Variants in PLCXD2 observed in about 807,000 individuals in gnomAD.
The protein encoded by PLCXD2 is PI-PLC X domain-containing protein 2.
Under a neutral mutation model 28.6 loss-of-function variants are expected in PLCXD2, and 21 were observed. The observed-to-expected ratio is 0.73, with a 90% CI of 0.52 to 1.06. The LOEUF (loss-of-function observed/expected upper bound fraction) is 1.06, where lower values mean the gene tolerates loss of function less well. Ranked by LOEUF, PLCXD2 falls within the 50% of genes least tolerant of loss-of-function variation. The pLI is 0.00. For synonymous variants in PLCXD2, 140 were observed against 150.1 expected, an observed-to-expected ratio of 0.93 and a Z score of 0.49; for missense variants, 369 against 376.7, an observed-to-expected ratio of 0.98 and a Z score of 0.17.
chr3:111,691,050 T>A lies in PLCXD2; in HGVS notation c.163+15642T>A, dbSNP rs150285780. On this transcript the variant is annotated intron_variant, in intron 1 of 4. Coordinates refer to ENST00000477665, the MANE Select transcript of PLCXD2 (RefSeq NM_001185106.1). ...ACCTAAGACCCAACAGGAATATGGG[T>A]CCTAGGAATCTGTGTGAGCAGAAAG... Among the ~76,000 whole-genome samples the A allele has an allele frequency of 1.3e-4, 20 of 152,080 alleles. No individual in the cohort carries two copies. The East Asian group carries it at 3.9e-3, about 29-fold the overall frequency.
intron 2 of PLCXD2, among the ~76,000 whole-genome samples, chr3:111,711,536 A>G (rs1430708723): frequency 1.3e-5 from 2 of 152,258 alleles, no homozygotes; most frequent in Admixed American, 1.3e-4. Flanking sequence ...CCTCACATGT[A>G]AGCCCCTGCG....
intron 1 of PLCXD2, among the ~76,000 whole-genome samples, chr3:111,688,517 A>G (rs1197484008): frequency 6.6e-6 from 1 of 152,222 alleles, no homozygotes; most frequent in African/African-American, 2.4e-5. Flanking sequence ...GGTGTCCAGA[A>G]TCTTTTCTGG....
At chr3:111,726,223 C>T in intron 3 of PLCXD2, 1 of 192,308 alleles carries the variant, frequency 5.2e-6, no homozygotes, top group East Asian at 1.3e-4. Context: ...GCACTAATAA[C>T]ACTTCAGTCG....
chr3:111,708,497 G>A, intron 2 of PLCXD2, 111 bp downstream of exon 2: 2 of 1,044,914 alleles, frequency 1.9e-6, no homozygotes, highest in South Asian at 1.7e-5. Context: ...GCTAAAGAGT[G>A]GATTGTTTGG....
intron 1 of PLCXD2, among the ~76,000 whole-genome samples, chr3:111,706,701 T>C (rs1308501778): frequency 1.3e-5 from 2 of 149,522 alleles, no homozygotes; most frequent in East Asian, 3.9e-4. Context: ...ACTTCACCTG[T>C]AAAGGCACAC....
intron 3 of PLCXD2, among the ~76,000 whole-genome samples, chr3:111,716,913 T>A (rs1455297223): frequency 5.9e-5 from 9 of 152,022 alleles, no homozygotes; most frequent in Non-Finnish European, 4.4e-5. Flanking sequence ...ACCACAGATA[T>A]GTGTTCACAG....
At chr3:111,717,125 G>C (rs1941277396) in intron 3 of PLCXD2, among the ~76,000 whole-genome samples, 1 of 152,148 alleles carries the variant, frequency 6.6e-6, no homozygotes. Flanking sequence ...CAGTCCCTGA[G>C]CAACAGGGTG....
At chr3:111,700,180 G>A (rs1189548199) in intron 1 of PLCXD2, among the ~76,000 whole-genome samples, 1 of 152,124 alleles carries the variant, frequency 6.6e-6, no homozygotes, top group African/African-American at 2.4e-5. Flanking sequence ...ACCTCCCAGT[G>A]ATTCTGATAT....
rs557209687 is a variant in PLCXD2, at chr3:111,725,763, A to T, written c.867-6856A>T. ...AGTTTAGATAAATATTTACCCTTATATTTGGGGGGAATTCAGGCTCACCAT... is the reference window on the plus strand; with the variant it reads ...AGTTTAGATAAATATTTACCCTTATTTTTGGGGGGAATTCAGGCTCACCAT... On this transcript the variant is annotated intron_variant, in intron 3 of 4. Transcript: ENST00000477665. The T allele has an allele frequency of 3.0e-5, 12 of 398,536 alleles. No individual in the cohort carries two copies. In the South Asian group the frequency reaches 1.3e-3, roughly 42 times the overall value. 24.7% of individuals were successfully genotyped at this position (398,536 alleles called of 1,614,324 possible).
chr3:111,707,190 A>G (rs1396271143), intron 1 of PLCXD2, among the ~76,000 whole-genome samples: 5 of 152,226 alleles, frequency 3.3e-5, no homozygotes, highest in Non-Finnish European at 7.3e-5. Flanking sequence ...TACGAATTCA[A>G]AAAGAGGGAC....
rs114230702 is a variant in PLCXD2, at chr3:111,714,433, G to A, written c.866+305G>A. ...CACTCCTGGTACCTGGCCACATGGG[G>A]TCCTGCCTGTGCCTCGCAGCTGACC... is the stretch of plus-strand genomic sequence containing the variant. On this transcript the variant is annotated intron_variant, in intron 3 of 4. Transcript: ENST00000477665. 1.9e-3 allele frequency among the ~76,000 whole-genome samples: 282 copies of A among 152,292 alleles called. 1 individual carries two copies. The highest frequency in any genetic ancestry group is 3.0e-3 in the Non-Finnish European group (207 of 68,016).
At chr3:111,681,784 T>C (rs1559790739) in intron 1 of PLCXD2, among the ~76,000 whole-genome samples, 1 of 152,186 alleles carries the variant, frequency 6.6e-6, no homozygotes. Context: ...TTTCTGAAGC[T>C]GAGGAGTTGG....
At chr3:111,718,017 T>C (rs924286328) in intron 3 of PLCXD2, among the ~76,000 whole-genome samples, 4 of 151,946 alleles carry the variant, frequency 2.6e-5, no homozygotes, top group Non-Finnish European at 5.9e-5. Context: ...ACTTATCATA[T>C]CACAGAAACT....
At chr3:111,676,108 G>A (rs1940617756) in intron 1 of PLCXD2, among the ~76,000 whole-genome samples, 1 of 152,180 alleles carries the variant, frequency 6.6e-6, no homozygotes, top group South Asian at 2.1e-4. Flanking sequence ...GAGGTTTTAT[G>A]CCTTGACATC....
intron 1 of PLCXD2, among the ~76,000 whole-genome samples, chr3:111,693,657 G>A (rs1940918044): frequency 1.3e-5 from 2 of 152,110 alleles, no homozygotes; most frequent in African/African-American, 2.4e-5. Flanking sequence ...CCCCCAGATC[G>A]ATATATCTTG....
At chr3:111,699,646 T>C (rs945006497) in intron 1 of PLCXD2, among the ~76,000 whole-genome samples, 2 of 152,212 alleles carry the variant, frequency 1.3e-5, no homozygotes, top group Admixed American at 1.3e-4. Context: ...AAAATCTTGC[T>C]AACCTTTTCG....
intron 1 of PLCXD2, among the ~76,000 whole-genome samples, chr3:111,699,331 T>C (rs113981679): frequency 9.2e-5 from 14 of 152,210 alleles, no homozygotes; most frequent in African/African-American, 3.4e-4. Flanking sequence ...CTTTTTGTTT[T>C]ATTTATAAAC....
At chr3:111,717,336 A>G (rs1384953874) in intron 3 of PLCXD2, among the ~76,000 whole-genome samples, 1 of 152,098 alleles carries the variant, frequency 6.6e-6, no homozygotes, top group East Asian at 1.9e-4. Context: ...CCCAAGGTCA[A>G]AGGGAAGTTT....
chr3:111,722,659 G>A lies in PLCXD2; in HGVS notation c.866+8531G>A, dbSNP rs530263496. The A allele has an allele frequency of 4.6e-5, 7 of 152,292 alleles. No homozygotes were observed. In the East Asian group the frequency reaches 1.3e-3, roughly 29 times the overall value. The allele number at this position is 152,292 out of a possible 1,614,324, so 9.4% of individuals were successfully genotyped here. On this transcript the variant is annotated intron_variant, in intron 3 of 4. Transcript: ENST00000477665. The stretch of plus-strand genomic sequence containing the variant: ...AAATATAAACATGGAGTCCCGAATG[G>A]ATGTATGCATTTATAAAGATTGTCA...
Sources: gnomAD v4.1 joint callset for allele counts (sites outside exome capture counted in the v4.1 genomes callset) on GRCh38, gnomAD v4.1.1 for gene constraint, MANE v1.5 for transcripts, NCBI Gene and HGNC (gene_info 2026-07-23, HGNC 2026-07-21) for gene names.